PIGN: variants seen among roughly 807,000 people sequenced by gnomAD.
PIGN encodes the protein phosphatidylinositol glycan anchor biosynthesis class N.
PIGN carries 117 observed loss-of-function variants against 125.4 expected under a neutral mutation model. That is an observed-to-expected ratio of 0.93 (90% CI 0.80 to 1.09). The LOEUF is 1.09. Ranked by LOEUF, PIGN falls within the 50% of genes least tolerant of loss-of-function variation. The pLI is 0.00. For missense variants in PIGN, 1,075 were observed against 1,094.9 expected (o/e 0.98, Z 0.26); for synonymous variants, 392 against 377.8 (o/e 1.04, Z -0.44).
At chr18:62,073,659 A>C (rs1182210244) in intron 29 of PIGN, among the ~76,000 whole-genome samples, 2 of 152,242 alleles carry the variant, frequency 1.3e-5, no homozygotes, top group Non-Finnish European at 2.9e-5. Context: ...TCAGAAATAC[A>C]ATGAATAATG....
At chr18:62,158,068 T>C (rs576874748) in intron 4 of PIGN, 1 of 322,106 alleles carries the variant, frequency 3.1e-6, no homozygotes, top group Non-Finnish European at 5.8e-6. Context: ...ACAAAATACA[T>C]GATTGTTGTT....
chr18:62,051,974 A>C (rs1183999804), intron 30 of PIGN: 1 of 152,226 alleles, frequency 6.6e-6, no homozygotes, highest in Non-Finnish European at 1.5e-5. Flanking sequence ...GTAGTCATTC[A>C]GGAGCAGGTT....
At chr18:62,101,855 GA>G (rs2034449953) in intron 21 of PIGN, among the ~76,000 whole-genome samples, 1 of 152,024 alleles carries the variant, frequency 6.6e-6, no homozygotes, top group Non-Finnish European at 1.5e-5. Context: ...GTTATCTATG[GA>G]AAAAGTTGTC....
intron 25 of PIGN, among the ~76,000 whole-genome samples, chr18:62,086,378 G>A (rs1236671151): frequency 6.6e-6 from 1 of 152,158 alleles, no homozygotes; most frequent in Non-Finnish European, 1.5e-5. Flanking sequence ...CAGCACTTAG[G>A]GAGGCTGAGG....
At chr18:62,138,934 T>C (rs568436956) in intron 13 of PIGN, 49 bp downstream of exon 13, 4 of 862,386 alleles carry the variant, frequency 4.6e-6, no homozygotes, top group East Asian at 2.6e-5. Context: ...AATATTTAAA[T>C]TGTAGTATTG....
At chr18:62,092,753 T>C (rs1380087116) in intron 23 of PIGN, among the ~76,000 whole-genome samples, 1 of 152,092 alleles carries the variant, frequency 6.6e-6, no homozygotes, top group East Asian at 1.9e-4. Flanking sequence ...ATTCCTACTT[T>C]CGATAATGTG....
At chr18:62,081,240 C>T (rs1214787184) in intron 28 of PIGN, among the ~76,000 whole-genome samples, 1 of 152,030 alleles carries the variant, frequency 6.6e-6, no homozygotes, top group Non-Finnish European at 1.5e-5. Flanking sequence ...AATAATAAGA[C>T]TGTTAAAAGG....
intron 23 of PIGN, among the ~76,000 whole-genome samples, chr18:62,025,548 G>A (rs182771256): frequency 1.3e-5 from 2 of 152,300 alleles, no homozygotes; most frequent in East Asian, 3.9e-4. Flanking sequence ...CACAAAAGAC[G>A]TTACATGCCA....
chr18:62,018,307 T>C (rs750166620), intron 23 of PIGN, among the ~76,000 whole-genome samples: 7 of 152,120 alleles, frequency 4.6e-5, no homozygotes, highest in Non-Finnish European at 1.0e-4. Flanking sequence ...GAAACAGCTG[T>C]TGGCTGCCTT....
intron 23 of PIGN, among the ~76,000 whole-genome samples, chr18:62,019,427 T>C (rs663110): frequency 0.66 from 100,287 of 152,240 alleles, 34,566 homozygotes; most frequent in African/African-American, 0.87. Context: ...AAGTTCACTT[T>C]GTGAATCTGT....
chr18:62,133,117 C>T (rs1021042472), intron 14 of PIGN, among the ~76,000 whole-genome samples: 1 of 152,142 alleles, frequency 6.6e-6, no homozygotes, highest in Non-Finnish European at 1.5e-5. Flanking sequence ...ATACAGTCGG[C>T]TTTATGTTAG....
intron 22 of PIGN, among the ~76,000 whole-genome samples, chr18:62,099,974 T>C (rs1361601588): frequency 6.6e-6 from 1 of 152,076 alleles, no homozygotes; most frequent in African/African-American, 2.4e-5. Context: ...GGGGATTATA[T>C]CAAGCTAAAA....
At chr18:62,049,172 T>C (rs2031024568) in intron 30 of PIGN, among the ~76,000 whole-genome samples, 1 of 152,092 alleles carries the variant, frequency 6.6e-6, no homozygotes, top group African/African-American at 2.4e-5. Flanking sequence ...TACGTGTGCA[T>C]GTGTCTTTAT....
Position 62,109,892 on chromosome 18 carries a change from A to G in PIGN, c.1516T>C (p.Trp506Arg), listed in dbSNP as rs2034807249. The G allele has an allele frequency of 1.2e-6, 2 of 1,613,276 alleles. No homozygotes were observed. Among genetic ancestry groups the G allele is most frequent in the South Asian group, 1.1e-5 (1 of 91,060 alleles). Residue 506 changes from tryptophan (W) to arginine (R), a missense_variant, in exon 17 of 31, where the codon TGG becomes CGG. Physicochemically the swap from Trp to Arg is moderately radical, Grantham distance 101. Coordinates refer to ENST00000640252, the MANE Select transcript of PIGN (RefSeq NM_176787.5). ...AFFLLIQACP[W>R]TYYVYGLLPL... ...AACAAACCATATACATAATATGTCC[A>G]GGGACAGGCTTGAATCAGCAGAAAA...
At position 62,106,858 on chromosome 18, in the gene PIGN, A is replaced by G; in HGVS notation, c.1698T>C (p.Tyr566=). Residue 566 remains tyrosine, a synonymous_variant, in exon 19 of 31, where the codon TAT becomes TAC. Coordinates refer to ENST00000640252, the MANE Select transcript of PIGN (RefSeq NM_176787.5). ...EVLVLSFFYR[Y]MLTAGLTAFA... The stretch of plus-strand genomic sequence containing the variant: ...AGGCAGTAAGTCCAGCGGTAAGCAT[A>G]TAGCGGTAGAAAAAACTGAGAACCT... 2 of 1,608,966 alleles carry G rather than the reference A, an allele frequency of 1.2e-6. No individual in the cohort carries two copies. Among genetic ancestry groups the G allele is most frequent in the Non-Finnish European group, 1.7e-6 (2 of 1,177,580 alleles).
chr18:62,039,195 A>T (rs2030301511), downstream of PIGN, among the ~76,000 whole-genome samples: 1 of 152,086 alleles, frequency 6.6e-6, no homozygotes, highest in African/African-American at 2.4e-5. Context: ...TTAAAAACAT[A>T]AAATTACAAT....
At chr18:62,185,140 A>T (rs925863402) in intron 1 of PIGN, among the ~76,000 whole-genome samples, 30 of 152,210 alleles carry the variant, frequency 2.0e-4, no homozygotes, top group Non-Finnish European at 1.8e-4. Context: ...TCCATTTCTA[A>T]TCATGCCCTT....
intron 4 of PIGN, among the ~76,000 whole-genome samples, chr18:62,158,884 A>C (rs1457937279): frequency 3.3e-5 from 5 of 152,248 alleles, no homozygotes; most frequent in Non-Finnish European, 7.3e-5. Flanking sequence ...GTATAAAGAA[A>C]TGTGGATACT....
chr18:62,086,400 C>G (rs764451331), intron 25 of PIGN, among the ~76,000 whole-genome samples: 12 of 152,030 alleles, frequency 7.9e-5, no homozygotes, highest in Non-Finnish European at 1.6e-4. Flanking sequence ...GGGCAGACCA[C>G]GGGGTCAAGA....
Sources: allele counts gnomAD v4.1 joint callset (sites outside exome capture counted in the v4.1 genomes callset), GRCh38; gene constraint gnomAD v4.1.1; transcripts MANE v1.5; gene names NCBI Gene and HGNC (gene_info 2026-07-23, HGNC 2026-07-21).